NFATC2: variants seen among roughly 807,000 people sequenced by gnomAD.
The protein encoded by NFATC2 is nuclear factor of activated T-cells, cytoplasmic 2.
NFATC2 carries 22 observed loss-of-function variants against 87.3 expected under a neutral mutation model. The ratio of observed to expected loss-of-function variants is 0.25; its 90% CI spans 0.18 to 0.36. NFATC2 has a LOEUF of 0.36. Among genes scored for constraint, NFATC2 ranks in the 10% least tolerant of loss-of-function variants. NFATC2 has a pLI of 1.00. For missense variants in NFATC2, 1,149 were observed against 1,259.1 expected, an observed-to-expected ratio of 0.91 and a Z score of 1.32; for synonymous variants, 565 against 542.2, an observed-to-expected ratio of 1.04 and a Z score of -0.58.
In NFATC2 at chr20:51,391,022, A is replaced by C; in HGVS notation, c.*474T>G. The stretch of plus-strand genomic sequence containing the variant: ...AAACGAACGCAAGGGCTGGGGTTTA[A>C]TCACAGTGCCCACATCTTCTGTCCC... On this transcript the variant is annotated 3_prime_UTR_variant, in exon 11 of 11. Transcript: ENST00000371564. 2.6e-6 allele frequency: 1 copy of C among 380,078 alleles called. No homozygotes were observed. Among genetic ancestry groups the C allele is most frequent in the South Asian group, 2.2e-5 (1 of 45,420 alleles). The allele number at this position is 380,078 out of a possible 1,614,324, so 23.5% of individuals were successfully genotyped here. A position where few individuals can be genotyped will look rare whatever the true frequency, so the allele number is the denominator to read the frequency against.
intron 3 of NFATC2, among the ~76,000 whole-genome samples, chr20:51,498,898 T>C (rs544856849): frequency 1.5e-4 from 23 of 152,234 alleles, no homozygotes; most frequent in African/African-American, 5.3e-4. Flanking sequence ...AGCTGACAGC[T>C]GAATGAAGCA....
intron 5 of NFATC2, among the ~76,000 whole-genome samples, chr20:51,465,313 G>A (rs1186667310): frequency 6.6e-6 from 1 of 152,208 alleles, no homozygotes; most frequent in Non-Finnish European, 1.5e-5. Context: ...CTGGGAGACA[G>A]AGGCTGCAGT....
intron 3 of NFATC2, among the ~76,000 whole-genome samples, chr20:51,501,457 T>C (rs1034143720): frequency 3.3e-5 from 5 of 152,256 alleles, no homozygotes; most frequent in African/African-American, 1.2e-4. Context: ...CTCCAACCTC[T>C]GTACTGATGC....
chr20:51,542,325 C>A, intron 1 of NFATC2, 45 bp downstream of exon 1: 1 of 1,582,516 alleles, frequency 6.3e-7, no homozygotes, highest in Non-Finnish European at 8.6e-7. Flanking sequence ...CAGGCCTGAG[C>A]CCCTGGCGGG....
At position 51,524,199 on chromosome 20, in the gene NFATC2, C is replaced by G; in HGVS notation, c.131-89G>C. ...CAATCACAGGCTGGATTTCGTCTCA[C>G]GTCGTTTATTTTTTTCAAATTCCCA... On this transcript the variant is annotated intron_variant, in intron 1 of 10. Transcript: ENST00000371564. This position sits in a 1 kb window ranked among gnomAD's most constrained non-coding sequence, Gnocchi z 4.0. The G allele has an allele frequency of 8.1e-7, 1 of 1,230,788 alleles. No homozygotes were observed. The highest frequency in any genetic ancestry group is 2.5e-5 in the South Asian group (1 of 39,758). The allele number at this position is 1,230,788 out of a possible 1,614,324, so 76.2% of individuals were successfully genotyped here. A position where few individuals can be genotyped will look rare whatever the true frequency, so the allele number is the denominator to read the frequency against.
intron 6 of NFATC2, among the ~76,000 whole-genome samples, chr20:51,443,770 C>T (rs1984680398): frequency 6.6e-6 from 1 of 152,140 alleles, no homozygotes; most frequent in Non-Finnish European, 1.5e-5. Context: ...AGCAGATGTT[C>T]AGGCAAAATT....
intron 9 of NFATC2, among the ~76,000 whole-genome samples, chr20:51,424,148 A>G (rs1373702056): frequency 2.0e-5 from 3 of 152,212 alleles, no homozygotes; most frequent in Non-Finnish European, 4.4e-5. Context: ...TACCAGCTCA[A>G]TTCAATGATC....
chr20:51,425,271 A>C (rs1981614543), intron 9 of NFATC2, among the ~76,000 whole-genome samples: 1 of 152,256 alleles, frequency 6.6e-6, no homozygotes, highest in South Asian at 2.1e-4. Context: ...AGGCAAAAAA[A>C]GGACGCTGGC....
chr20:51,499,468 C>A (rs76431226), intron 3 of NFATC2, among the ~76,000 whole-genome samples: 25 of 152,192 alleles, frequency 1.6e-4, no homozygotes, highest in Non-Finnish European at 2.9e-4. Context: ...AAATCTAAAA[C>A]GCGGCCGGGC....
intron 3 of NFATC2, among the ~76,000 whole-genome samples, chr20:51,492,870 G>A (rs767739564): frequency 3.3e-5 from 5 of 152,226 alleles, no homozygotes; most frequent in Non-Finnish European, 5.9e-5. Context: ...AAGGCCAAGC[G>A]TGTTCCTTTC....
chr20:51,451,647 A>G (rs959252628), intron 6 of NFATC2, among the ~76,000 whole-genome samples: 2 of 152,242 alleles, frequency 1.3e-5, no homozygotes, highest in Non-Finnish European at 2.9e-5. Flanking sequence ...GCAAAGCTTC[A>G]TCTGTGTTGA....
chr20:51,541,433 G>T (rs2076814830), intron 1 of NFATC2, among the ~76,000 whole-genome samples: 1 of 152,144 alleles, frequency 6.6e-6, no homozygotes, highest in Admixed American at 6.5e-5. Flanking sequence ...TTGGGCGTGT[G>T]GCCGCTTCCC....
rs374346578 is a variant in NFATC2 at position 51,393,084 on chromosome 20, G to A, written c.*45-1633C>T. Among the ~76,000 whole-genome samples the A allele has an allele frequency of 3.9e-5, 6 of 152,280 alleles. No individual in the cohort carries two copies. In the South Asian group the frequency reaches 1.2e-3, roughly 32 times the overall value. ...CAATAGCTGGTGGTTATGATGGTTA[G>A]TAAAATCCCCATGCTTCATGTTGGA... is the stretch of plus-strand genomic sequence containing the variant. On this transcript the variant is annotated intron_variant, in intron 10 of 10. Coordinates refer to ENST00000371564, the MANE Select transcript of NFATC2 (RefSeq NM_012340.5).
At chr20:51,528,669 G>A (rs1436511194) in intron 1 of NFATC2, among the ~76,000 whole-genome samples, 1 of 152,180 alleles carries the variant, frequency 6.6e-6, no homozygotes, top group Non-Finnish European at 1.5e-5. Flanking sequence ...GTGTAATTGT[G>A]TAAGAAAATA....
chr20:51,497,581 G>A (rs745768353), intron 3 of NFATC2, among the ~76,000 whole-genome samples: 15 of 152,010 alleles, frequency 9.9e-5, no homozygotes, highest in Non-Finnish European at 4.4e-5. Flanking sequence ...CTTATTCCAC[G>A]CCTCCCCCCA....
chr20:51,477,610 C>A, intron 3 of NFATC2, among the ~76,000 whole-genome samples: 1 of 132,898 alleles, frequency 7.5e-6, no homozygotes, highest in African/African-American at 2.8e-5. Context: ...GGACATTGGT[C>A]TAGAGTTTGA....
At chr20:51,526,181 G>C (rs887901824) in intron 1 of NFATC2, among the ~76,000 whole-genome samples, 1 of 152,054 alleles carries the variant, frequency 6.6e-6, no homozygotes, top group African/African-American at 2.4e-5. Context: ...AACAGCTCCC[G>C]TCGCACCAGG....
At chr20:51,482,565 A>T (rs1031980598) in intron 3 of NFATC2, among the ~76,000 whole-genome samples, 1 of 152,164 alleles carries the variant, frequency 6.6e-6, no homozygotes, top group Non-Finnish European at 1.5e-5. Context: ...TTATATATTT[A>T]TGGGGTACAA....
upstream of NFATC2, among the ~76,000 whole-genome samples, chr20:51,546,737 GA>G (rs745802420): frequency 4.6e-5 from 7 of 152,196 alleles, no homozygotes; most frequent in Non-Finnish European, 7.3e-5. Flanking sequence ...TATGTGCCGT[GA>G]AAGGCAAGGA....
Sources: gnomAD v4.1 joint callset for allele counts (sites outside exome capture counted in the v4.1 genomes callset) on GRCh38, gnomAD v4.1.1 for gene constraint, Gnocchi (gnomAD v3.1) non-coding constraint, MANE v1.5 for transcripts, NCBI Gene and HGNC (gene_info 2026-07-23, HGNC 2026-07-21) for gene names.